The following SYT1 variants were observed in gnomAD, a reference collection of about 807,000 sequenced individuals.
The protein encoded by SYT1 is synaptotagmin-1.
A neutral mutation model predicts 44.8 loss-of-function variants in SYT1; 8 were observed. That is an observed-to-expected ratio of 0.18 (90% CI 0.10 to 0.32). The LOEUF is 0.32. SYT1 is among the 10% of genes least tolerant of loss of function. The pLI is 1.00. For synonymous variants in SYT1, 154 were observed against 188.8 expected (o/e 0.82, Z 1.51); for missense variants, 286 against 509.3 (o/e 0.56, Z 4.22).
At chr12:78,933,578 T>A (rs1877874164) in intron 1 of SYT1, among the ~76,000 whole-genome samples, 3 of 152,106 alleles carry the variant, frequency 2.0e-5, no homozygotes, top group Admixed American at 6.6e-5. Flanking sequence ...TCAAGACCAT[T>A]TAAAAAATTA....
intron 1 of SYT1, among the ~76,000 whole-genome samples, chr12:78,881,965 C>T (rs1237333517): frequency 9.3e-6 from 1 of 107,874 alleles, no homozygotes; most frequent in Non-Finnish European, 1.8e-5. Flanking sequence ...ATTATATTTC[C>T]CATAGCACCC....
chr12:79,043,961 C>A (rs1362989114), intron 2 of SYT1, among the ~76,000 whole-genome samples: 1 of 152,204 alleles, frequency 6.6e-6, no homozygotes, highest in Non-Finnish European at 1.5e-5. Flanking sequence ...GGCCCCCACT[C>A]TCTTCTGGCT....
chr12:79,342,277 G>A (rs923116524), intron 8 of SYT1, among the ~76,000 whole-genome samples: 8 of 152,106 alleles, frequency 5.3e-5, no homozygotes, highest in Admixed American at 5.2e-4. Flanking sequence ...TGTTGCCCAG[G>A]CTGGAGTGCA....
chr12:79,106,869 A>G (rs1878747861), intron 3 of SYT1, among the ~76,000 whole-genome samples: 1 of 152,044 alleles, frequency 6.6e-6, no homozygotes, highest in Non-Finnish European at 1.5e-5. Flanking sequence ...TTTACCTTTA[A>G]TCATAGTAGG....
intron 3 of SYT1, among the ~76,000 whole-genome samples, chr12:79,211,195 C>T (rs1044860221): frequency 5.3e-5 from 8 of 152,042 alleles, no homozygotes; most frequent in Non-Finnish European, 8.8e-5. Flanking sequence ...TATACTGTCT[C>T]ATAATTTGTG....
At chr12:79,391,072 C>G (rs376696146) in intron 9 of SYT1, among the ~76,000 whole-genome samples, 9 of 152,278 alleles carry the variant, frequency 5.9e-5, no homozygotes, top group Admixed American at 3.9e-4. Flanking sequence ...TTAACAACTC[C>G]AAACCTCAGT....
At chr12:78,916,675 T>A (rs1876673290) in intron 1 of SYT1, among the ~76,000 whole-genome samples, 1 of 151,996 alleles carries the variant, frequency 6.6e-6, no homozygotes, top group Non-Finnish European at 1.5e-5. Context: ...CAAAACCTTT[T>A]TTAATTACTT....
At chr12:78,957,420 T>C (rs572605973) in intron 1 of SYT1, among the ~76,000 whole-genome samples, 1 of 152,344 alleles carries the variant, frequency 6.6e-6, no homozygotes, top group African/African-American at 2.4e-5. Flanking sequence ...TTTCTCATCC[T>C]GCCTCTTGCT....
intron 9 of SYT1, among the ~76,000 whole-genome samples, chr12:79,413,004 A>G (rs1410748685): frequency 6.6e-6 from 1 of 152,162 alleles, no homozygotes; most frequent in Non-Finnish European, 1.5e-5. Context: ...GAGAGGAGAG[A>G]AAGAAGCTCA....
rs934211438 is a variant in SYT1, at chr12:79,326,732, C to T, written c.811-26770C>T. Reference sequence around the variant, plus strand: ...TTTTAAACTAATGACCAAACAGTGGCATTTTAAAGTCTTAATGGTTGTGTT... The same window carrying T: ...TTTTAAACTAATGACCAAACAGTGGTATTTTAAAGTCTTAATGGTTGTGTT... On this transcript the variant is annotated intron_variant, in intron 8 of 10. Transcript: ENST00000261205. 2.6e-5 allele frequency among the ~76,000 whole-genome samples: 4 copies of T among 152,136 alleles called. No homozygotes were observed. In the South Asian group the frequency reaches 8.3e-4, roughly 32 times the overall value.
chr12:79,188,958 A>ATT (rs5799416), intron 3 of SYT1, among the ~76,000 whole-genome samples: 300 of 150,936 alleles, frequency 2.0e-3, no homozygotes, highest in Middle Eastern at 0.014. Flanking sequence ...TCACTAACCT[A>ATT]TTTTTTTTTA....
At chr12:79,356,076 A>G (rs1459392446) in intron 9 of SYT1, among the ~76,000 whole-genome samples, 2 of 151,848 alleles carry the variant, frequency 1.3e-5, no homozygotes, top group African/African-American at 4.8e-5. Context: ...CATTTCCGCA[A>G]CAACCTGGAA....
chr12:79,337,058 C>T (rs1036884762), intron 8 of SYT1, among the ~76,000 whole-genome samples: 2 of 151,746 alleles, frequency 1.3e-5, no homozygotes, highest in East Asian at 3.9e-4. Flanking sequence ...TTCATGTCCT[C>T]CTTTTTGGTT....
At position 79,126,239 on chromosome 12, in the gene SYT1, T is replaced by TTTTTG. The variant is rs540075954; in HGVS notation, c.-18+78902_-18+78906dup. On this transcript the variant is annotated intron_variant, in intron 3 of 10. Transcript: ENST00000261205. Reference sequence around the variant, plus strand: ...TATATATGGCCATTAATAAAAGTGGTTTTTGTTTTGTTTTGTTTTGTTTTG... The same window carrying TTTTTG: ...TATATATGGCCATTAATAAAAGTGGTTTTTGTTTTGTTTTGTTTTGTTTTGTTTTG... 9.4e-4 allele frequency among the ~76,000 whole-genome samples: 143 copies of TTTTTG among 152,070 alleles called. 1 individual carries two copies. The South Asian group carries it at 0.012, about 12-fold the overall frequency.
At chr12:79,014,974 C>T (rs2137592061) in intron 2 of SYT1, among the ~76,000 whole-genome samples, 1 of 151,978 alleles carries the variant, frequency 6.6e-6, no homozygotes, top group East Asian at 1.9e-4. Context: ...AAAAACCAAA[C>T]ACCGCATGTT....
chr12:79,263,804 A>G (rs1475897334), intron 4 of SYT1, among the ~76,000 whole-genome samples: 1 of 151,972 alleles, frequency 6.6e-6, no homozygotes, highest in Non-Finnish European at 1.5e-5. Flanking sequence ...TTCCACTAAT[A>G]TTACAATTCT....
intron 4 of SYT1, among the ~76,000 whole-genome samples, chr12:79,276,447 G>A (rs1336360066): frequency 1.3e-5 from 2 of 151,974 alleles, no homozygotes; most frequent in Non-Finnish European, 2.9e-5. Context: ...AGAGGCCAAG[G>A]CAGGCAGATC....
intron 4 of SYT1, among the ~76,000 whole-genome samples, chr12:79,241,612 G>A (rs1463033994): frequency 6.6e-6 from 1 of 152,150 alleles, no homozygotes; most frequent in African/African-American, 2.4e-5. Flanking sequence ...TTTTTATAAA[G>A]CATAGGAAAA....
At chr12:79,447,198 A>G (rs778921572) in intron 10 of SYT1, among the ~76,000 whole-genome samples, 1 of 151,880 alleles carries the variant, frequency 6.6e-6, no homozygotes, top group Non-Finnish European at 1.5e-5. Context: ...CTGCTCCTTG[A>G]GTCACTTTGT....
Sources: gnomAD v4.1 joint callset for allele counts (sites outside exome capture counted in the v4.1 genomes callset) on GRCh38, gnomAD v4.1.1 for gene constraint, MANE v1.5 for transcripts, NCBI Gene and HGNC (gene_info 2026-07-23, HGNC 2026-07-21) for gene names.